The following ABCC1 variants were observed in gnomAD, a reference collection of about 807,000 sequenced individuals.
ABCC1 encodes ATP binding cassette subfamily C member 1 (ABCC1 blood group), also known as multidrug resistance-associated protein 1.
Under a neutral mutation model 172.9 loss-of-function variants are expected in ABCC1, and 83 were observed. That is an observed-to-expected ratio of 0.48 (90% CI 0.40 to 0.58). The LOEUF is 0.58. ABCC1 is among the 20% of genes least tolerant of loss of function. ABCC1 has a pLI of 0.00. For missense variants in ABCC1, 1,817 were observed against 2,002.7 expected (o/e 0.91, Z 1.77); for synonymous variants, 937 against 825.2 (o/e 1.14, Z -2.32).
At chr16:16,118,614 A>T (rs1050290009) in intron 23 of ABCC1, among the ~76,000 whole-genome samples, 3 of 151,976 alleles carry the variant, frequency 2.0e-5, no homozygotes, top group African/African-American at 7.3e-5. Flanking sequence ...GAGCAGGGAT[A>T]ATTAGAAGAC....
intron 1 of ABCC1, among the ~76,000 whole-genome samples, chr16:15,968,311 G>T (rs1022081963): frequency 2.6e-5 from 4 of 152,066 alleles, no homozygotes; most frequent in Admixed American, 6.6e-5. Flanking sequence ...TGGGATTACC[G>T]GGGTGAGCCA....
chr16:16,009,738 G>A (rs1055491914), intron 2 of ABCC1, 38 bp from the exon 3 acceptor site: 1 of 1,546,314 alleles, frequency 6.5e-7, no homozygotes, highest in African/African-American at 1.4e-5. Context: ...AGGTTCCAGG[G>A]CGGTCTGTTG....
intron 26 of ABCC1, among the ~76,000 whole-genome samples, chr16:16,130,243 C>T (rs1042004670): frequency 3.9e-5 from 6 of 152,230 alleles, no homozygotes; most frequent in African/African-American, 1.4e-4. Flanking sequence ...GCCTTCCTGC[C>T]GGGGTGGGCA....
intron 5 of ABCC1, among the ~76,000 whole-genome samples, chr16:16,032,025 TCTGTTGCCAGG>T (rs2048576586): frequency 6.6e-6 from 1 of 152,184 alleles, no homozygotes; most frequent in Admixed American, 6.5e-5. Flanking sequence ...ACACTCTTGC[TCTGTTGCCAGG>T]CTGTAGTGCA....
intron 26 of ABCC1, among the ~76,000 whole-genome samples, chr16:16,129,045 T>C (rs1567437090): frequency 6.6e-6 from 1 of 152,178 alleles, no homozygotes; most frequent in Non-Finnish European, 1.5e-5. Flanking sequence ...AGTTTGTTCC[T>C]GTTCGCCCCG....
chr16:16,089,883 A>G (rs1265209937), intron 18 of ABCC1, among the ~76,000 whole-genome samples: 1 of 151,146 alleles, frequency 6.6e-6, no homozygotes, highest in Admixed American at 6.6e-5. Context: ...TCTGTCTCAA[A>G]AAAAAAAAAA....
At chr16:16,065,182 A>T (rs2050065676) in intron 12 of ABCC1, among the ~76,000 whole-genome samples, 1 of 152,196 alleles carries the variant, frequency 6.6e-6, no homozygotes, top group African/African-American at 2.4e-5. Flanking sequence ...GGGACTTTAC[A>T]AATCAGCTGG....
chr16:16,098,798 T>C, intron 19 of ABCC1: 1 of 1,287,816 alleles, frequency 7.8e-7, no homozygotes, highest in South Asian at 1.2e-5. Flanking sequence ...CCTTCACTCC[T>C]TTATTTAGAT....
chr16:15,982,817 A>AAAAAAAAAAAAAAAAAAAAC (rs2046654856), intron 1 of ABCC1, among the ~76,000 whole-genome samples: 1 of 149,566 alleles, frequency 6.7e-6, no homozygotes, highest in Admixed American at 6.7e-5. Flanking sequence ...AAAAAAAAAA[A>AAAAAAAAAAAAAAAAAAAAC]AAAAAAAGGA....
intron 23 of ABCC1, among the ~76,000 whole-genome samples, chr16:16,121,196 G>A (rs2045140864): frequency 6.6e-6 from 1 of 152,052 alleles, no homozygotes; most frequent in Non-Finnish European, 1.5e-5. Flanking sequence ...GTTTTGTTTC[G>A]TTTGTTTTCT....
At chr16:16,101,927 C>G (rs995891081) in intron 19 of ABCC1, among the ~76,000 whole-genome samples, 1 of 152,228 alleles carries the variant, frequency 6.6e-6, no homozygotes, top group African/African-American at 2.4e-5. Flanking sequence ...AATTCTGCAA[C>G]CAAGGCATCT....
At chr16:16,040,312 A>T (rs1222333429) in intron 7 of ABCC1, among the ~76,000 whole-genome samples, 2 of 150,654 alleles carry the variant, frequency 1.3e-5, no homozygotes, top group Non-Finnish European at 3.0e-5. Flanking sequence ...TTTGAGATGG[A>T]ATTTTGCTCT....
chr16:16,102,770 G>T, intron 20 of ABCC1, 53 bp downstream of exon 20: 3 of 1,521,032 alleles, frequency 2.0e-6, no homozygotes, highest in Non-Finnish European at 1.8e-6. Context: ...GCCAGTGGGA[G>T]GACAAGAGGA....
chr16:16,092,060 A>T (rs1459134335), intron 19 of ABCC1, among the ~76,000 whole-genome samples: 2 of 152,166 alleles, frequency 1.3e-5, no homozygotes, highest in African/African-American at 4.8e-5. Context: ...CAACATGATG[A>T]AACCCTGTCT....
chr16:16,036,687 G>A, intron 7 of ABCC1, 84 bp downstream of exon 7: 4 of 1,437,554 alleles, frequency 2.8e-6, no homozygotes, highest in South Asian at 2.5e-5. Flanking sequence ...TGGGGCCCTG[G>A]CAGTGCTGCC....
At chr16:16,042,795 A>C (rs1229735854) in intron 7 of ABCC1, among the ~76,000 whole-genome samples, 1 of 152,144 alleles carries the variant, frequency 6.6e-6, no homozygotes, top group Non-Finnish European at 1.5e-5. Flanking sequence ...TCATGTATGC[A>C]GAACATACAA....
intron 1 of ABCC1, among the ~76,000 whole-genome samples, chr16:15,973,560 T>C (rs1003543495): frequency 2.6e-5 from 4 of 152,184 alleles, no homozygotes; most frequent in African/African-American, 9.7e-5. Flanking sequence ...TGCTGCAATA[T>C]GTCCATCGTG....
At chr16:15,979,261 A>G (rs45562937) in intron 1 of ABCC1, among the ~76,000 whole-genome samples, 2 of 152,078 alleles carry the variant, frequency 1.3e-5, no homozygotes, top group African/African-American at 4.8e-5. Context: ...ACTGCACTCC[A>G]GCCTGGAGAC....
intron 1 of ABCC1, among the ~76,000 whole-genome samples, chr16:15,958,680 A>C (rs2046059586): frequency 6.6e-6 from 1 of 152,176 alleles, no homozygotes; most frequent in African/African-American, 2.4e-5. Flanking sequence ...AGACATCCTG[A>C]GGCAAGCTTC....
Sources: gnomAD v4.1 joint callset for allele counts (sites outside exome capture counted in the v4.1 genomes callset) on GRCh38, gnomAD v4.1.1 for gene constraint, MANE v1.5 for transcripts, NCBI Gene and HGNC (gene_info 2026-07-23, HGNC 2026-07-21) for gene names.